The following FBN1 variants were observed in gnomAD, a reference collection of about 807,000 sequenced individuals.
FBN1 encodes the protein fibrillin 1.
FBN1 carries 29 observed loss-of-function variants against 365.1 expected under a neutral mutation model. The ratio of observed to expected loss-of-function variants is 0.08; its 90% confidence interval spans 0.06 to 0.11. FBN1 has a LOEUF of 0.11. Among genes scored for constraint, FBN1 ranks in the 10% least tolerant of loss-of-function variants. FBN1 has a pLI of 1.00. For missense variants in FBN1, 2,476 were observed against 3,703.2 expected (o/e 0.67, Z 8.60); for synonymous variants, 1,210 against 1,270.5 (o/e 0.95, Z 1.01).
rs1301420248 is a variant in FBN1 at position 48,468,674 on chromosome 15, T to G, written c.4460-140A>C. 6.0e-6 allele frequency: 5 copies of G among 827,900 alleles called. No homozygotes were observed. The African/African-American group carries it at 8.7e-5, about 14-fold the overall frequency. 51.3% of individuals were successfully genotyped at this position (827,900 alleles called of 1,614,324 possible). ...TATAACTACATCTAGAAATGCAGTC[T>G]TCCACTTCAGAGATAAAACACCTCA... is the stretch of plus-strand genomic sequence containing the variant. On this transcript the variant is annotated intron_variant, in intron 36 of 65. Coordinates refer to ENST00000316623, the MANE Select transcript of FBN1 (RefSeq NM_000138.5).
chr15:48,516,083 T>C (rs1303615164), intron 11 of FBN1, 100 bp downstream of exon 11: 5 of 1,192,708 alleles, frequency 4.2e-6, no homozygotes, highest in Non-Finnish European at 6.1e-6. Flanking sequence ...TATAACAATT[T>C]ACAAACTTAT....
In FBN1 at chr15:48,420,675, A is replaced by G; in HGVS notation, c.7819+12T>C. Reference sequence around the variant, plus strand: ...TAGCCATGCATCTTGAGAGTGAGGAAAAGTTACTTGCCAACACACTGGTTC... The same window carrying G: ...TAGCCATGCATCTTGAGAGTGAGGAGAAGTTACTTGCCAACACACTGGTTC... On this transcript the variant is annotated intron_variant, in intron 63 of 65. Transcript: ENST00000316623. 1 of 1,614,050 alleles carries G rather than the reference A, an allele frequency of 6.2e-7. No individual in the cohort carries two copies. Among genetic ancestry groups the G allele is most frequent in the Non-Finnish European group, 8.5e-7 (1 of 1,179,974 alleles).
At chr15:48,539,106 A>G (rs2044036318) in intron 6 of FBN1, among the ~76,000 whole-genome samples, 2 of 152,054 alleles carry the variant, frequency 1.3e-5, no homozygotes, top group South Asian at 2.1e-4. Context: ...GCATCCCTCT[A>G]TCCTGTGTGT....
chr15:48,551,802 G>A (rs1012195777), intron 6 of FBN1, among the ~76,000 whole-genome samples: 1 of 152,156 alleles, frequency 6.6e-6, no homozygotes, highest in Non-Finnish European at 1.5e-5. Context: ...AGTTTGCTAA[G>A]TATAGTGGCC....
chr15:48,474,646 G>C lies in FBN1; in HGVS notation c.3969C>G (p.Ile1323Met). ...TGTGTGCTCCAATTTCACATTCATT[G>C]ATGTCTGGAAAAATGAGCAGTGATT... ...GKKGKTGCTD[I>M]NECEIGAHNC... is the part of the protein sequence containing the mutation. Residue 1323 changes from isoleucine to methionine, a missense_variant, in exon 33 of 66, where the codon ATC becomes ATG. Physicochemically the swap from Ile to Met is conservative, Grantham distance 10. Around this residue, in one of 5 missense-constraint regions of FBN1, gnomAD observed 1,780 missense variants for 2,840.8 expected, o/e 0.63. Transcript: ENST00000316623. 6.2e-7 allele frequency: 1 copy of C among 1,614,032 alleles called. No individual in the cohort carries two copies. The highest frequency in any genetic ancestry group is 8.5e-7 in the Non-Finnish European group (1 of 1,179,974).
intron 30 of FBN1, among the ~76,000 whole-genome samples, chr15:48,485,093 CTCT>C (rs1421914285): frequency 6.6e-6 from 1 of 152,172 alleles, no homozygotes; most frequent in Non-Finnish European, 1.5e-5. Context: ...AAACATCAAA[CTCT>C]TCAAAAGTCT....
At position 48,463,083 on chromosome 15, in the gene FBN1, T is replaced by C. The variant is rs2043291766; in HGVS notation, c.5223A>G (p.Thr1741=). The C allele has an allele frequency of 1.2e-6, 2 of 1,613,864 alleles. No homozygotes were observed. The highest frequency in any genetic ancestry group is 1.1e-5 in the South Asian group (1 of 91,074). ...GATAATGGAGAAACTAAAACTCACC[T>C]GTACTTGGGATGGGACACTGTTCAC... is the stretch of plus-strand genomic sequence containing the variant. ...KPCEQCPIPS[T]DEFATLCGSQ... Residue 1741 remains threonine, a splice_region_variant and synonymous_variant, in exon 42 of 66, where the codon ACA becomes ACG. Coordinates refer to ENST00000316623, the MANE Select transcript of FBN1 (RefSeq NM_000138.5).
intron 34 of FBN1, among the ~76,000 whole-genome samples, chr15:48,473,050 G>A (rs1454818143): frequency 6.6e-6 from 1 of 152,126 alleles, no homozygotes; most frequent in East Asian, 1.9e-4. Context: ...CAAAAGAATG[G>A]CAACCATAGG....
chr15:48,471,941 G>A lies in FBN1; in HGVS notation c.4336+610C>T, dbSNP rs143972439. ...CTGACCAACACTTATCAGAATGACA[G>A]AGCCTAAAGCTGAGCGATACCATGC... On this transcript the variant is annotated intron_variant, in intron 35 of 65. Coordinates refer to ENST00000316623, the MANE Select transcript of FBN1 (RefSeq NM_000138.5). 4.6e-5 allele frequency among the ~76,000 whole-genome samples: 7 copies of A among 152,362 alleles called. No homozygotes were observed. The East Asian group carries it at 1.3e-3, about 29-fold the overall frequency.
At chr15:48,557,184 C>T (rs778112805) in intron 6 of FBN1, among the ~76,000 whole-genome samples, 101 of 152,074 alleles carry the variant, frequency 6.6e-4, no homozygotes, top group Non-Finnish European at 1.3e-3. Flanking sequence ...AATTTGGTAA[C>T]CTATGTGAAT....
intron 43 of FBN1, among the ~76,000 whole-genome samples, chr15:48,459,836 G>A (rs1001621856): frequency 3.3e-5 from 5 of 151,694 alleles, no homozygotes; most frequent in East Asian, 1.9e-4. Flanking sequence ...ATTGATCCAC[G>A]AAAGGACTTT....
At chr15:48,571,805 G>A (rs1012396625) in intron 6 of FBN1, among the ~76,000 whole-genome samples, 1 of 152,038 alleles carries the variant, frequency 6.6e-6, no homozygotes, top group Non-Finnish European at 1.5e-5. Context: ...GTTCAAAGAT[G>A]TTACACATAA....
intron 24 of FBN1, 43 bp downstream of exon 24, chr15:48,492,418 G>A (rs373193406): frequency 5.8e-5 from 92 of 1,577,990 alleles, no homozygotes; most frequent in Non-Finnish European, 7.2e-5. Flanking sequence ...TTTAATAATC[G>A]TTAATAAATT....
intron 61 of FBN1, 129 bp downstream of exon 61, chr15:48,421,823 C>A: frequency 8.5e-7 from 1 of 1,173,022 alleles, no homozygotes. Context: ...TACAGGTGTG[C>A]TCACACATAC....
rs749490298 is a variant in FBN1 at position 48,596,330 on chromosome 15, T to C, written c.491A>G (p.Asn164Ser). The C allele has an allele frequency of 1.2e-6, 2 of 1,614,048 alleles. No homozygotes were observed. The highest frequency in any genetic ancestry group is 2.2e-5 in the South Asian group (2 of 91,082). The change falls in exon 6 of 66, where the codon AAT becomes AGT. Residue 164 changes from asparagine to serine, a missense_variant. Transcript: ENST00000316623. ...CLNGGRCVAP[N>S]RCACTYGFTG... ...AAATCCGTAAGTGCATGCACATCGA[T>C]TTGGGGCCACACACCTTCCTCCATT... is the stretch of plus-strand genomic sequence containing the variant.
intron 2 of FBN1, among the ~76,000 whole-genome samples, chr15:48,624,973 G>A (rs16961248): frequency 0.013 from 1,904 of 152,244 alleles, 42 homozygotes; most frequent in African/African-American, 0.044. Flanking sequence ...TGTCCAGGGA[G>A]ATAATATCTT....
Position 48,513,183 on chromosome 15 carries a change from T to C in FBN1, c.1588+366A>G, listed in dbSNP as rs139368134. ...GTGACATCCCTATCTTTTAGAACTT[T>C]CCATTAAGAAATTAATTGCACATAA... is the stretch of plus-strand genomic sequence containing the variant. On this transcript the variant is annotated intron_variant, in intron 13 of 65. Coordinates refer to ENST00000316623, the MANE Select transcript of FBN1 (RefSeq NM_000138.5). Among the ~76,000 whole-genome samples the C allele has an allele frequency of 8.8e-4, 134 of 152,300 alleles. 1 individual carries two copies. The highest frequency in any genetic ancestry group is 3.1e-3 in the African/African-American group (130 of 41,560).
chr15:48,441,905 C>G (rs1268990366), intron 49 of FBN1, 59 bp from the exon 50 acceptor site: 29 of 1,587,090 alleles, frequency 1.8e-5, no homozygotes, highest in Non-Finnish European at 2.5e-5. Flanking sequence ...CATCAGGTAC[C>G]AAACACACAA....
At chr15:48,488,036 T>A in intron 27 of FBN1, 77 bp downstream of exon 27, 1 of 1,594,986 alleles carries the variant, frequency 6.3e-7, no homozygotes. Flanking sequence ...AGGAAGAACC[T>A]GGAACATAGG....
Sources: allele counts gnomAD v4.1 joint callset (sites outside exome capture counted in the v4.1 genomes callset), GRCh38; gene constraint gnomAD v4.1.1; regional missense constraint gnomAD v4.1.1; transcripts MANE v1.5; gene names NCBI Gene and HGNC (gene_info 2026-07-23, HGNC 2026-07-21).